The following IL7 variants were observed in gnomAD, a reference collection of about 807,000 sequenced individuals.
IL7 encodes the protein interleukin 7, also known as interleukin-7.
IL7 carries 3 observed loss-of-function variants against 21.6 expected under a neutral mutation model. That is an observed-to-expected ratio of 0.14 (90% CI 0.06 to 0.36). The LOEUF is 0.36. IL7 is among the 10% of genes least tolerant of loss of function. IL7 has a pLI of 1.00. For missense variants in IL7, 175 were observed against 200.2 expected (o/e 0.87, Z 0.76); for synonymous variants, 62 against 68.1 (o/e 0.91, Z 0.44).
At chr8:78,743,046 CA>C (rs1229557801) in intron 2 of IL7, among the ~76,000 whole-genome samples, 6 of 152,152 alleles carry the variant, frequency 3.9e-5, no homozygotes, top group African/African-American at 1.2e-4. Context: ...CATGTCCCTG[CA>C]AAGGACATGA....
chr8:78,772,020 A>C (rs1175219332), intron 2 of IL7, among the ~76,000 whole-genome samples: 1 of 152,198 alleles, frequency 6.6e-6, no homozygotes, highest in Non-Finnish European at 1.5e-5. Flanking sequence ...CTATTCCAGG[A>C]AACTTTCTTC....
rs564555576 is a variant in IL7, at chr8:78,791,382, G to C, written c.147+6690C>G. Among the ~76,000 whole-genome samples, 3 of 152,302 alleles carry C rather than the reference G, an allele frequency of 2.0e-5. No homozygotes were observed. The East Asian group carries it at 5.8e-4, about 29-fold the overall frequency. On this transcript the variant is annotated intron_variant, in intron 2 of 5. Transcript: ENST00000263851. Reference sequence around the variant, plus strand: ...AGGCCAAGCACAGTGACTCATGCCTGTAATCCCAGCACTTCGAGAGGCTGA... The same window carrying C: ...AGGCCAAGCACAGTGACTCATGCCTCTAATCCCAGCACTTCGAGAGGCTGA...
chr8:78,694,085 G>A (rs902948285), intron 3 of IL7, among the ~76,000 whole-genome samples: 2 of 151,986 alleles, frequency 1.3e-5, no homozygotes, highest in African/African-American at 4.8e-5. Flanking sequence ...CTGTTCCATT[G>A]GTCTATATCT....
At chr8:78,758,152 C>A (rs2953474) in intron 2 of IL7, among the ~76,000 whole-genome samples, 40,517 of 151,842 alleles carry the variant, frequency 0.27, 6,938 homozygotes, top group African/African-American at 0.49. Context: ...GTGTCTTTAC[C>A]CATGATGTGA....
chr8:78,725,981 T>A (rs62519002), intron 3 of IL7, among the ~76,000 whole-genome samples: 2 of 152,022 alleles, frequency 1.3e-5, no homozygotes, highest in Non-Finnish European at 2.9e-5. Context: ...TTTTTTTAAG[T>A]TCACATCCTA....
chr8:78,800,983 C>T (rs1188913838), intron 1 of IL7, among the ~76,000 whole-genome samples: 2 of 152,176 alleles, frequency 1.3e-5, no homozygotes, highest in Admixed American at 6.5e-5. Context: ...AAGTGCTCCT[C>T]AAATTTAAAT....
At position 78,761,252 on chromosome 8, in the gene IL7, T is replaced by C. The variant is rs1586079094; in HGVS notation, c.148-21170A>G. The C allele has an allele frequency of 4.4e-6, 7 of 1,604,662 alleles. No homozygotes were observed. The East Asian group carries it at 1.3e-4, about 31-fold the overall frequency. ...TTCTAAAAGCAGTTGTGGTGATCGA[T>C]GGAAAAAAGAACAAACTTCCTCGAT... is the stretch of plus-strand genomic sequence containing the variant. On this transcript the variant is annotated intron_variant, in intron 2 of 5. Transcript: ENST00000263851.
chr8:78,740,082 C>T lies in IL7; in HGVS notation c.148G>A (p.Asp50Asn). The T allele has an allele frequency of 6.7e-7, 1 of 1,483,128 alleles. No individual in the cohort carries two copies. The highest frequency in any genetic ancestry group is 9.0e-7 in the Non-Finnish European group (1 of 1,115,196). The allele number at this position is 1,483,128 out of a possible 1,614,324, so 91.9% of individuals were successfully genotyped here. A position where few individuals can be genotyped will look rare whatever the true frequency, so the allele number is the denominator to read the frequency against. Residue 50 changes from aspartate (D) to asparagine (N), a missense_variant and splice_region_variant, in exon 3 of 6, where the codon GAC (aspartate) becomes AAC (asparagine). Coordinates refer to ENST00000263851, the MANE Select transcript of IL7 (RefSeq NM_000880.4). ...TTGCTACCAATTTCTTTCATGCTGT[C>T]CTGTAATAAATAACATAAAATAATA... is the stretch of plus-strand genomic sequence containing the variant. ...VLMVSIDQLL[D>N]SMKEIGSNCL...
At chr8:78,678,500 AGTTCTGTAGTCT>A (rs1563621470) in intron 4 of IL7, 5 of 1,269,316 alleles carry the variant, frequency 3.9e-6, no homozygotes, top group Non-Finnish European at 5.5e-6. Context: ...ATGTAAATAA[AGTTCTGTAGTCT>A]TACCTTCTGT....
intron 4 of IL7, chr8:78,679,100 A>C (rs1809679091): frequency 6.6e-6 from 1 of 152,438 alleles, no homozygotes; most frequent in Non-Finnish European, 1.5e-5. Flanking sequence ...TTTTAGCATA[A>C]TAGATACTGC....
In IL7 at chr8:78,733,004, T is replaced by G. The variant is rs1163067723; in HGVS notation, c.*709A>C. 6.6e-6 allele frequency: 1 copy of G among 152,090 alleles called. No homozygotes were observed. The highest frequency in any genetic ancestry group is 1.5e-5 in the Non-Finnish European group (1 of 67,976). 9.4% of individuals were successfully genotyped at this position (152,090 alleles called of 1,614,324 possible). ...ATGACAATGTAACTCAGTACTAAGG[T>G]TTAGCATCCTTAGACTAGGTGAATT... On this transcript the variant is annotated 3_prime_UTR_variant, in exon 6 of 6. Coordinates refer to ENST00000263851, the MANE Select transcript of IL7 (RefSeq NM_000880.4).
downstream of IL7, among the ~76,000 whole-genome samples, chr8:78,730,922 A>T (rs1811413769): frequency 6.6e-6 from 1 of 152,036 alleles, no homozygotes. Context: ...ATAGCAATTG[A>T]GGAAAAGGAA....
At chr8:78,802,519 C>G (rs1047327916) in intron 1 of IL7, among the ~76,000 whole-genome samples, 1 of 151,936 alleles carries the variant, frequency 6.6e-6, no homozygotes, top group African/African-American at 2.4e-5. Context: ...CAACCTCAGC[C>G]TCCCAGGTTC....
At chr8:78,678,754 G>C (rs1268037689) in intron 4 of IL7, 9 of 979,332 alleles carry the variant, frequency 9.2e-6, no homozygotes, top group Non-Finnish European at 1.3e-5. Flanking sequence ...ATCTGTTACA[G>C]TAAGGTTAAG....
intron 2 of IL7, among the ~76,000 whole-genome samples, chr8:78,750,093 C>G (rs547313060): frequency 6.6e-6 from 1 of 152,140 alleles, no homozygotes; most frequent in African/African-American, 2.4e-5. Context: ...AGGGCCTAAA[C>G]TCAAGGGTGA....
chr8:78,798,746 T>C (rs1813952639), intron 1 of IL7, among the ~76,000 whole-genome samples: 2 of 152,052 alleles, frequency 1.3e-5, no homozygotes, highest in African/African-American at 4.8e-5. Flanking sequence ...TAATGAACCC[T>C]GAAGGGTTTA....
chr8:78,714,313 A>C (rs1440737298), downstream of IL7, among the ~76,000 whole-genome samples: 2 of 152,136 alleles, frequency 1.3e-5, no homozygotes, highest in Non-Finnish European at 2.9e-5. Flanking sequence ...AGGATAAATA[A>C]ATTTCTATGG....
At chr8:78,716,594 A>G (rs1811112997), downstream of IL7, among the ~76,000 whole-genome samples, 1 of 152,128 alleles carries the variant, frequency 6.6e-6, no homozygotes, top group Non-Finnish European at 1.5e-5. Flanking sequence ...AAACCTAAGG[A>G]TCTCTATCTT....
At chr8:78,726,702 T>G (rs1811347228) in intron 3 of IL7, among the ~76,000 whole-genome samples, 2 of 151,912 alleles carry the variant, frequency 1.3e-5, no homozygotes. Flanking sequence ...GAGACTTTCC[T>G]CCCCCACCTG....
Sources: allele counts gnomAD v4.1 joint callset (sites outside exome capture counted in the v4.1 genomes callset), GRCh38; gene constraint gnomAD v4.1.1; transcripts MANE v1.5; gene names NCBI Gene and HGNC (gene_info 2026-07-23, HGNC 2026-07-21).